Variants in CRY2 observed in about 807,000 individuals in gnomAD.
CRY2 encodes cryptochrome circadian regulator 2, also known as cryptochrome-2.
CRY2 carries 31 observed loss-of-function variants against 69.5 expected under a neutral mutation model. The observed-to-expected ratio is 0.45, with a 90% CI of 0.34 to 0.60. The LOEUF (loss-of-function observed/expected upper bound fraction) is 0.60. CRY2 is among the 20% of genes least tolerant of loss of function. The probability of loss-of-function intolerance (pLI) is 0.02; values close to 1 mark genes in which losing one functional copy is unlikely to be tolerated. For missense variants in CRY2, 606 were observed against 797.8 expected, an observed-to-expected ratio of 0.76 and a Z score of 2.90; for synonymous variants, 303 against 312.2, an observed-to-expected ratio of 0.97 and a Z score of 0.31.
chr11:45,859,955 G>A (rs1362121127), intron 3 of CRY2, among the ~76,000 whole-genome samples: 2 of 152,176 alleles, frequency 1.3e-5, no homozygotes, highest in Non-Finnish European at 2.9e-5. Flanking sequence ...AGAGGAGAGG[G>A]AGGCATAGCA....
rs565803151 is a variant in CRY2 at position 45,867,522 on chromosome 11, G to A, written c.742-90G>A. The stretch of plus-strand genomic sequence containing the variant: ...CTCCATGGCTGGCTGTTCTGTGACC[G>A]TAGGCAGATTCCTTAACCACCCAAT... On this transcript the variant is annotated intron_variant, in intron 5 of 11. Transcript: ENST00000616080. 1.4e-4 allele frequency: 218 copies of A among 1,539,190 alleles called. 1 individual carries two copies. In the East Asian group the frequency reaches 2.8e-3, roughly 20 times the overall value.
chr11:45,870,324 T>C lies in CRY2; in HGVS notation c.1347-6T>C, dbSNP rs752484474. On this transcript the variant is annotated splice_region_variant and splice_polypyrimidine_tract_variant and intron_variant, in intron 8 of 11. Coordinates refer to ENST00000616080, the MANE Select transcript of CRY2 (RefSeq NM_021117.5). ...CTGATGGGTCATCTGGTGTATCTTA[T>C]TTCAGGCGATACCTGCCCAAATTGA... 51 of 1,614,070 alleles carry C rather than the reference T, an allele frequency of 3.2e-5. No individual in the cohort carries two copies. The highest frequency in any genetic ancestry group is 5.3e-5 in the African/African-American group (4 of 74,910).
chr11:45,853,080 C>A (rs561767882), intron 1 of CRY2, among the ~76,000 whole-genome samples: 1 of 152,326 alleles, frequency 6.6e-6, no homozygotes, highest in South Asian at 2.1e-4. Flanking sequence ...CATGTCAAGC[C>A]TGACAGATTG....
intron 5 of CRY2, among the ~76,000 whole-genome samples, chr11:45,866,872 T>G (rs1348417490): frequency 2.0e-5 from 3 of 152,124 alleles, no homozygotes. Flanking sequence ...GGAGAATCCC[T>G]TGAACCCGGG....
intron 9 of CRY2, 29 bp from the exon 10 acceptor site, chr11:45,870,813 A>G (rs1160810847): frequency 6.3e-7 from 1 of 1,580,542 alleles, no homozygotes; most frequent in Admixed American, 1.7e-5. Flanking sequence ...GCGAGACGGC[A>G]CTCTGATTAC....
At chr11:45,872,347 C>A in intron 11 of CRY2, 114 bp downstream of exon 11, 1 of 940,768 alleles carries the variant, frequency 1.1e-6, no homozygotes, top group Non-Finnish European at 1.6e-6. Flanking sequence ...TCTGGTGGGA[C>A]CACCCAATGC....
intron 1 of CRY2, among the ~76,000 whole-genome samples, chr11:45,850,632 C>G (rs761089122): frequency 9.9e-5 from 15 of 151,874 alleles, no homozygotes; most frequent in Non-Finnish European, 1.3e-4. Context: ...CATATCTTGA[C>G]ATGACTGTAG....
intron 11 of CRY2, among the ~76,000 whole-genome samples, chr11:45,874,958 A>T (rs531314159): frequency 6.6e-6 from 1 of 152,284 alleles, no homozygotes; most frequent in South Asian, 2.1e-4. Flanking sequence ...AAAAAATTTC[A>T]GGAGGCCATC....
chr11:45,854,643 T>C (rs11038693), intron 1 of CRY2, among the ~76,000 whole-genome samples: 135,390 of 152,136 alleles, frequency 0.89, 60,944 homozygotes, highest in Non-Finnish European at 0.94. Context: ...GAGCCGAGAT[T>C]ACGCCACTGC....
At chr11:45,863,218 T>C (rs1374882321) in intron 5 of CRY2, among the ~76,000 whole-genome samples, 3 of 152,200 alleles carry the variant, frequency 2.0e-5, no homozygotes, top group Non-Finnish European at 2.9e-5. Context: ...CTAGAGATTC[T>C]TGGGCCCAGT....
intron 1 of CRY2, 149 bp downstream of exon 1, chr11:45,847,854 A>C: frequency 5.1e-6 from 6 of 1,175,170 alleles, no homozygotes; most frequent in Non-Finnish European, 5.8e-6. Flanking sequence ...TCATGGTCCT[A>C]ACGCGCCGGT....
intron 10 of CRY2, 29 bp from the exon 11 acceptor site, chr11:45,872,063 G>T: frequency 6.2e-7 from 1 of 1,613,174 alleles, no homozygotes; most frequent in Non-Finnish European, 8.5e-7. Flanking sequence ...TGCACAGTCT[G>T]TGTGACCCTT....
rs1204161056 is a variant in CRY2, at chr11:45,881,923, G to A, written c.*1012G>A. The A allele has an allele frequency of 6.6e-6, 1 of 152,248 alleles. No homozygotes were observed. The highest frequency in any genetic ancestry group is 2.4e-5 in the African/African-American group (1 of 41,454). The allele number at this position is 152,248 out of a possible 1,614,324, so 9.4% of individuals were successfully genotyped here. ...AGTCTTTATTCTGTTGGCTTCCAGGGCCTGTCCTGGACTTGTCAGCATCCA... is the reference window on the plus strand; with the variant it reads ...AGTCTTTATTCTGTTGGCTTCCAGGACCTGTCCTGGACTTGTCAGCATCCA... On this transcript the variant is annotated 3_prime_UTR_variant, in exon 12 of 12. Transcript: ENST00000616080.
chr11:45,860,720 A>G (rs1441632197), intron 3 of CRY2, 128 bp from the exon 4 acceptor site: 1 of 988,746 alleles, frequency 1.0e-6, no homozygotes. Context: ...CCACTCAGGC[A>G]TGGGACCTGT....
At chr11:45,859,583 C>A (rs2134634720) in intron 3 of CRY2, among the ~76,000 whole-genome samples, 1 of 151,302 alleles carries the variant, frequency 6.6e-6, no homozygotes, top group East Asian at 1.9e-4. Context: ...AAAAAGAGTT[C>A]CCAGGTTCTA....
At chr11:45,872,896 T>G (rs2086397737) in intron 11 of CRY2, among the ~76,000 whole-genome samples, 1 of 152,174 alleles carries the variant, frequency 6.6e-6, no homozygotes. Flanking sequence ...GGCCAGCCAG[T>G]GGAGGGCAGC....
chr11:45,870,818 G>A (rs756348535), intron 9 of CRY2, 24 bp from the exon 10 acceptor site: 6 of 1,594,446 alleles, frequency 3.8e-6, no homozygotes, highest in South Asian at 2.2e-5. Context: ...ACGGCACTCT[G>A]ATTACTCCTC....
intron 5 of CRY2, 39 bp downstream of exon 5, chr11:45,862,187 A>G (rs771613647): frequency 6.4e-7 from 1 of 1,574,626 alleles, no homozygotes; most frequent in Non-Finnish European, 8.7e-7. Flanking sequence ...GCAGATACTG[A>G]TATCCACACA....
chr11:45,860,687 C>T (rs1328824298), intron 3 of CRY2, among the ~76,000 whole-genome samples, 161 bp from the exon 4 acceptor site: 5 of 152,306 alleles, frequency 3.3e-5, no homozygotes, highest in South Asian at 4.1e-4. Context: ...AATGGAGATG[C>T]GGCCTCCCTT....
Sources: allele counts gnomAD v4.1 joint callset (sites outside exome capture counted in the v4.1 genomes callset), GRCh38; gene constraint gnomAD v4.1.1; transcripts MANE v1.5; gene names NCBI Gene and HGNC (gene_info 2026-07-23, HGNC 2026-07-21).